The following HR variants were observed in gnomAD, a reference collection of about 807,000 sequenced individuals.
HR encodes the protein lysine-specific demethylase hairless.
HR carries 83 observed loss-of-function variants against 128.6 expected under a neutral mutation model. The ratio of observed to expected loss-of-function variants is 0.65; its 90% CI spans 0.54 to 0.77. HR has a LOEUF of 0.77. Ranked by LOEUF, HR falls within the 30% of genes least tolerant of loss-of-function variation. HR has a pLI of 0.00. For missense variants in HR, 1,490 were observed against 1,574.6 expected (o/e 0.95, Z 0.91); for synonymous variants, 681 against 658.2 (o/e 1.03, Z -0.53).
intron 1 of HR, 71 bp from the exon 2 acceptor site, chr8:22,129,281 T>G: frequency 7.4e-7 from 1 of 1,357,302 alleles, no homozygotes; most frequent in Non-Finnish European, 9.9e-7. Flanking sequence ...TGGCACAGAG[T>G]GGGCACCGCC....
At position 22,123,059 on chromosome 8, in the gene HR, A is replaced by C. The variant is rs73549513; in HGVS notation, c.1916-180T>G. Among the ~76,000 whole-genome samples the C allele has an allele frequency of 0.11, 17,186 of 152,176 alleles. 2,690 individuals carry two copies. Among genetic ancestry groups the C allele is most frequent in the African/African-American group, 0.35 (14,482 of 41,472 alleles). On this transcript the variant is annotated intron_variant, in intron 6 of 18. Coordinates refer to ENST00000381418, the MANE Select transcript of HR (RefSeq NM_005144.5). Reference sequence around the variant, plus strand: ...ATTCTTTGCTTGTAGAATGCTACAGACTTTAACGTGCTGAGAGGCTTTGCA... The same window carrying C: ...ATTCTTTGCTTGTAGAATGCTACAGCCTTTAACGTGCTGAGAGGCTTTGCA...
At position 22,120,700 on chromosome 8, in the gene HR, G is replaced by C. The variant is rs1430041128; in HGVS notation, c.2610+16C>G. 1 of 1,502,568 alleles carries C rather than the reference G, an allele frequency of 6.7e-7. No individual in the cohort carries two copies. Among genetic ancestry groups the C allele is most frequent in the South Asian group, 1.3e-5 (1 of 79,136 alleles). The allele number at this position is 1,502,568 out of a possible 1,614,324, so 93.1% of individuals were successfully genotyped here. A position where few individuals can be genotyped will look rare whatever the true frequency, so the allele number is the denominator to read the frequency against. On this transcript the variant is annotated intron_variant, in intron 11 of 18. Transcript: ENST00000381418. ...GGGGTGGCCAGGGCCGGGAGGGGAG[G>C]GGAGGGGTGCCTCACCTGGCCCTGC...
chr8:22,119,441 A>G (rs1323829913), intron 14 of HR, among the ~76,000 whole-genome samples, 158 bp from the exon 15 acceptor site: 1 of 152,116 alleles, frequency 6.6e-6, no homozygotes, highest in African/African-American at 2.4e-5. Context: ...CCCCCTCTCT[A>G]CTAAAAATAG....
chr8:22,117,068 G>A (rs1306656535), intron 16 of HR, 29 bp from the exon 17 acceptor site: 3 of 1,465,300 alleles, frequency 2.0e-6, no homozygotes, highest in Non-Finnish European at 2.7e-6. Context: ...GAATGAGCGA[G>A]ATGGGGAGGG....
intron 5 of HR, 100 bp from the exon 6 acceptor site, chr8:22,123,913 G>T: frequency 7.2e-7 from 1 of 1,394,618 alleles, no homozygotes; most frequent in South Asian, 1.2e-5. Flanking sequence ...GAGAAGCAAG[G>T]AGCAGCTTCC....
Position 22,125,372 on chromosome 8 carries a change from C to T in HR, c.1689G>A (p.Gly563=), listed in dbSNP as rs1448988973. 5.6e-6 allele frequency: 9 copies of T among 1,608,502 alleles called. No individual in the cohort carries two copies. Among genetic ancestry groups the T allele is most frequent in the Non-Finnish European group, 7.6e-6 (9 of 1,178,306 alleles). The change falls in exon 5 of 19, where the codon GGG becomes GGA. Residue 563 remains glycine, a synonymous_variant. Transcript: ENST00000381418. ...TCCGCAGCAGGCGGCACAGTCGGTC[C>T]CCCAAACCACTGAGCAGGTGCTTGG... ...GLAKHLLSGL[G]DRLCRLLRRE...
Position 22,126,601 on chromosome 8 carries a change from C to A in HR, c.1405+436G>T, listed in dbSNP as rs777967955. Among the ~76,000 whole-genome samples, 101 of 152,252 alleles carry A rather than the reference C, an allele frequency of 6.6e-4. 1 individual carries two copies. Among genetic ancestry groups the A allele is most frequent in the Non-Finnish European group, 2.8e-4 (19 of 68,038 alleles). On this transcript the variant is annotated intron_variant, in intron 3 of 18. Coordinates refer to ENST00000381418, the MANE Select transcript of HR (RefSeq NM_005144.5). Reference sequence around the variant, plus strand: ...TGTTCACTGGGTGCCAGGAATTCTTCCAAGCCCTTGCTATGAATCATTCTA... The same window carrying A: ...TGTTCACTGGGTGCCAGGAATTCTTACAAGCCCTTGCTATGAATCATTCTA...
At chr8:22,118,828 G>T in intron 16 of HR, 122 bp downstream of exon 16, 2 of 811,002 alleles carry the variant, frequency 2.5e-6, no homozygotes, top group Non-Finnish European at 2.0e-6. Context: ...AGTTGGGTCT[G>T]TGCAGCTCAC....
Position 22,123,700 on chromosome 8 carries a change from A to C in HR, c.1864T>G (p.Cys622Gly), listed in dbSNP as rs778999706. Residue 622 changes from cysteine to glycine, a missense_variant, in exon 6 of 19, where the codon TGT (cysteine) becomes GGT (glycine). By Grantham distance (159) the Cys-to-Gly change is radical (BLOSUM62 -3). This residue lies in a region of HR where 1,060 missense variants were observed against 1,060.9 expected (regional missense o/e 1.00). Coordinates refer to ENST00000381418, the MANE Select transcript of HR (RefSeq NM_005144.5). Reference sequence around the variant, plus strand: ...CCTGCCACACGACCACAGGCCACACACAGCCGGTGGCTGCAGCGGGGACAT... The same window carrying C: ...CCTGCCACACGACCACAGGCCACACCCAGCCGGTGGCTGCAGCGGGGACAT... Reference protein sequence around the residue: ...WRCPRCSHRLCVACGRVAGTG... With the variant: ...WRCPRCSHRLGVACGRVAGTG... The C allele has an allele frequency of 2.1e-5, 30 of 1,419,174 alleles. No individual in the cohort carries two copies. Among genetic ancestry groups the C allele is most frequent in the Non-Finnish European group, 2.6e-5 (28 of 1,069,898 alleles). 87.9% of individuals were successfully genotyped at this position (1,419,174 alleles called of 1,614,324 possible). A position where few individuals can be genotyped will look rare whatever the true frequency, so the allele number is the denominator to read the frequency against.
chr8:22,118,807 C>G (rs1826656130), intron 16 of HR, 143 bp downstream of exon 16: 2 of 690,984 alleles, frequency 2.9e-6, no homozygotes, highest in Non-Finnish European at 5.0e-6. Context: ...TTCTCTGCAC[C>G]TGTCTGTGCG....
rs905466972 is a variant in HR at position 22,116,735 on chromosome 8, A to G, written c.3378+140T>C. 1.7e-4 allele frequency: 209 copies of G among 1,247,984 alleles called. No homozygotes were observed. The highest frequency in any genetic ancestry group is 2.2e-4 in the Non-Finnish European group (198 of 886,440). 77.3% of individuals were successfully genotyped at this position (1,247,984 alleles called of 1,614,324 possible). On this transcript the variant is annotated intron_variant, in intron 17 of 18. Transcript: ENST00000381418. The surrounding 1 kb of genome is among the most constrained non-coding windows in gnomAD (Gnocchi z 4.2). ...TTCAAGGCCTCTTGGCTCCCCCGTT[A>G]TCTCTTCCCCACAGCAGCGTGCGGC...
chr8:22,116,958 G>A lies in HR; in HGVS notation c.3295C>T (p.Arg1099Trp), dbSNP rs764531611. ...YLDAGLRRRL[R>W]EEWGVSCWTL... ...CAGCAGCTCACGCCCCACTCCTCCC[G>A]CAGGCGCCGCCGCAGCCCTGCATCC... Residue 1099 changes from arginine (R) to tryptophan (W), a missense_variant, in exon 17 of 19, where the codon CGG becomes TGG. Around this residue, in one of 3 missense-constraint regions of HR, gnomAD observed 423 missense variants for 495.9 expected, o/e 0.85. Transcript: ENST00000381418. The surrounding 1 kb of genome is among the most constrained non-coding windows in gnomAD (Gnocchi z 4.2). 7.1e-6 allele frequency: 11 copies of A among 1,539,300 alleles called. No homozygotes were observed. Among genetic ancestry groups the A allele is most frequent in the East Asian group, 2.4e-5 (1 of 41,444 alleles).
rs1406113403 is a variant in HR, at chr8:22,115,301, G to A, written c.*399C>T. 6.0e-6 allele frequency: 2 copies of A among 333,944 alleles called. No individual in the cohort carries two copies. Among genetic ancestry groups the A allele is most frequent in the Non-Finnish European group, 1.2e-5 (2 of 173,570 alleles). 20.7% of individuals were successfully genotyped at this position (333,944 alleles called of 1,614,324 possible). A position where few individuals can be genotyped will look rare whatever the true frequency, so the allele number is the denominator to read the frequency against. ...ATGCGGTGGTAGAAACGGAGCTGGG[G>A]CAGTAGAGTGGGCTCAGCGGGAGTG... On this transcript the variant is annotated 3_prime_UTR_variant, in exon 19 of 19. Coordinates refer to ENST00000381418, the MANE Select transcript of HR (RefSeq NM_005144.5).
At chr8:22,117,255 G>C in intron 16 of HR, 1 of 549,678 alleles carries the variant, frequency 1.8e-6, no homozygotes, top group Non-Finnish European at 3.2e-6. Flanking sequence ...TAGAAGGAAG[G>C]GATTCAAGGC....
At position 22,115,515 on chromosome 8, in the gene HR, G is replaced by C. The variant is rs886062804; in HGVS notation, c.*185C>G. ...GCCTGAGAAGGACAGGTGTGAGCTTGGTGGCACTGTGGTTGTTGGCTTAAG... is the reference window on the plus strand; with the variant it reads ...GCCTGAGAAGGACAGGTGTGAGCTTCGTGGCACTGTGGTTGTTGGCTTAAG... On this transcript the variant is annotated 3_prime_UTR_variant, in exon 19 of 19. Coordinates refer to ENST00000381418, the MANE Select transcript of HR (RefSeq NM_005144.5). The C allele has an allele frequency of 1.7e-5, 11 of 655,422 alleles. 1 individual carries two copies. The highest frequency in any genetic ancestry group is 5.3e-5 in the African/African-American group (3 of 56,372). The allele number at this position is 655,422 out of a possible 1,614,324, so 40.6% of individuals were successfully genotyped here.
chr8:22,125,536 A>G, intron 4 of HR, 32 bp from the exon 5 acceptor site: 1 of 1,613,008 alleles, frequency 6.2e-7, no homozygotes, highest in East Asian at 2.2e-5. Context: ...GTGAGCAGGG[A>G]GCCCTGGCGA....
chr8:22,122,713 G>T (rs1370686104), intron 7 of HR, 77 bp downstream of exon 7: 6 of 1,487,280 alleles, frequency 4.0e-6, no homozygotes, highest in Non-Finnish European at 5.5e-6. Context: ...GGCACTGGGG[G>T]GAGGGACAAT....
rs546057733 is a variant in HR, at chr8:22,119,628, A to G, written c.2977+132T>C. On this transcript the variant is annotated intron_variant, in intron 14 of 18. Coordinates refer to ENST00000381418, the MANE Select transcript of HR (RefSeq NM_005144.5). ...GTCTCAACAACAACAAAAAAAAAAA[A>G]AAAGAAAGAAAGAAATGGAATCAGA... 9.5e-4 allele frequency: 1,173 copies of G among 1,236,686 alleles called. 2 individuals are homozygous for G. The highest frequency in any genetic ancestry group is 9.9e-4 in the Non-Finnish European group (913 of 918,846). The allele number at this position is 1,236,686 out of a possible 1,614,324, so 76.6% of individuals were successfully genotyped here. A position where few individuals can be genotyped will look rare whatever the true frequency, so the allele number is the denominator to read the frequency against.
At chr8:22,128,432 C>T (rs1414007988) in intron 2 of HR, 127 bp downstream of exon 2, 24 of 1,355,310 alleles carry the variant, frequency 1.8e-5, no homozygotes, top group Non-Finnish European at 2.3e-5. Context: ...GGGACAGCTC[C>T]AAGCTGATAG....
Sources: allele counts gnomAD v4.1 joint callset (sites outside exome capture counted in the v4.1 genomes callset), GRCh38; gene constraint gnomAD v4.1.1; regional missense constraint gnomAD v4.1.1; non-coding constraint Gnocchi (gnomAD v3.1); transcripts MANE v1.5; gene names NCBI Gene and HGNC (gene_info 2026-07-23, HGNC 2026-07-21).